SV2C: variants seen among roughly 807,000 people sequenced by gnomAD.
The protein encoded by SV2C is solute carrier family 22 member B3.
Under a neutral mutation model 79.7 loss-of-function variants are expected in SV2C, and 49 were observed. That is an observed-to-expected ratio of 0.61 (90% CI 0.49 to 0.78). The LOEUF (loss-of-function observed/expected upper bound fraction) is 0.78. SV2C is among the 30% of genes least tolerant of loss of function. SV2C has a pLI of 0.00. For synonymous variants in SV2C, 334 were observed against 333.2 expected (o/e 1.00, Z -0.03); for missense variants, 833 against 912.9 (o/e 0.91, Z 1.13).
the SV2C span, among the ~76,000 whole-genome samples, chr5:75,878,908 G>A: frequency 2.8e-3 from 420 of 152,294 alleles, 1 homozygote; most frequent in African/African-American, 9.7e-3. Context: ...CATGGCTCCA[G>A]CATCTGCTTC....
the SV2C span, among the ~76,000 whole-genome samples, chr5:76,076,171 G>A: frequency 1.3e-5 from 2 of 152,210 alleles, no homozygotes; most frequent in Admixed American, 6.5e-5. Flanking sequence ...TTAAATATAT[G>A]TGTGTAGTTT....
At chr5:75,921,372 G>A in the SV2C span, 13 of 916,264 alleles carry the variant, frequency 1.4e-5, no homozygotes, top group Non-Finnish European at 2.2e-5. Context: ...GGGGGGTGCT[G>A]GTAGGTGTCC....
chr5:76,147,238 A>T (rs1045021173), intron 2 of SV2C, among the ~76,000 whole-genome samples: 2 of 152,196 alleles, frequency 1.3e-5, no homozygotes, highest in Non-Finnish European at 2.9e-5. Flanking sequence ...AACACAATAC[A>T]AAAAGAAAAA....
At chr5:75,995,504 A>T in the SV2C span, among the ~76,000 whole-genome samples, 1 of 152,168 alleles carries the variant, frequency 6.6e-6, no homozygotes, top group East Asian at 1.9e-4. Flanking sequence ...GTATATTAAA[A>T]ATAAAACATC....
chr5:76,118,684 T>TA (rs1580279604), intron 1 of SV2C, among the ~76,000 whole-genome samples: 2 of 146,140 alleles, frequency 1.4e-5, no homozygotes, highest in Non-Finnish European at 2.9e-5. Context: ...TATTATATAT[T>TA]AAAAAAATCA....
intron 2 of SV2C, among the ~76,000 whole-genome samples, chr5:76,189,845 A>G (rs1252384305): frequency 6.6e-6 from 1 of 152,168 alleles, no homozygotes; most frequent in South Asian, 2.1e-4. Flanking sequence ...TCACATTGCA[A>G]TGATTTTCTT....
At chr5:76,020,020 G>T in the SV2C span, among the ~76,000 whole-genome samples, 1 of 152,124 alleles carries the variant, frequency 6.6e-6, no homozygotes. Flanking sequence ...GACGTAAAAC[G>T]ATCAGGAGCC....
chr5:76,073,428 A>G, the SV2C span, among the ~76,000 whole-genome samples: 2 of 149,200 alleles, frequency 1.3e-5, no homozygotes, highest in Admixed American at 6.7e-5. Flanking sequence ...ACAATTCGCA[A>G]TTGCAAAATA....
intron 12 of SV2C, among the ~76,000 whole-genome samples, chr5:76,313,152 G>A (rs576190986): frequency 6.6e-5 from 10 of 152,228 alleles, no homozygotes; most frequent in Non-Finnish European, 1.2e-4. Context: ...CTTCACTGTC[G>A]TCATCTGGTA....
At chr5:76,102,855 G>A (rs901127179) in intron 1 of SV2C, among the ~76,000 whole-genome samples, 2 of 152,130 alleles carry the variant, frequency 1.3e-5, no homozygotes, top group South Asian at 2.1e-4. Context: ...CTCTTTCATT[G>A]ATGTGCTTCT....
chr5:76,067,682 A>G, the SV2C span, among the ~76,000 whole-genome samples: 1 of 152,080 alleles, frequency 6.6e-6, no homozygotes, highest in Non-Finnish European at 1.5e-5. Context: ...ACTTTGGAAG[A>G]ATAGATATCT....
At chr5:76,242,114 A>G (rs1745803854) in intron 4 of SV2C, 6 of 1,436,580 alleles carry the variant, frequency 4.2e-6, no homozygotes, top group South Asian at 1.1e-5. Context: ...CCTTGCCAGC[A>G]TCAGCTTTTC....
At chr5:75,899,966 A>C in the SV2C span, among the ~76,000 whole-genome samples, 6 of 152,192 alleles carry the variant, frequency 3.9e-5, no homozygotes, top group South Asian at 2.1e-4. Flanking sequence ...GTGTCTCTGC[A>C]TGTGAGGCGG....
intron 3 of SV2C, among the ~76,000 whole-genome samples, chr5:76,206,617 C>T (rs1744616414): frequency 6.6e-6 from 1 of 152,158 alleles, no homozygotes; most frequent in South Asian, 2.1e-4. Context: ...CTTGGTATGC[C>T]AACTACAACA....
the SV2C span, among the ~76,000 whole-genome samples, chr5:76,015,847 A>T: frequency 3.9e-5 from 6 of 152,124 alleles, no homozygotes; most frequent in African/African-American, 1.4e-4. Flanking sequence ...AGAATATATC[A>T]TAAACAAACT....
At chr5:76,036,302 T>G in the SV2C span, among the ~76,000 whole-genome samples, 16 of 152,282 alleles carry the variant, frequency 1.1e-4, no homozygotes, top group South Asian at 1.5e-3. Flanking sequence ...GTTAGCTGGT[T>G]ATTTTGCTCG....
the SV2C span, among the ~76,000 whole-genome samples, chr5:75,962,347 A>G: frequency 1.3e-5 from 2 of 152,088 alleles, no homozygotes; most frequent in African/African-American, 4.8e-5. Flanking sequence ...GTATACTTAG[A>G]GCCTATCAGA....
chr5:75,932,355 C>T, the SV2C span, among the ~76,000 whole-genome samples: 1 of 152,172 alleles, frequency 6.6e-6, no homozygotes. Context: ...TCTTGCTCTG[C>T]CCCATCTTTC....
chr5:76,092,325 G>A (rs970144988), intron 1 of SV2C, among the ~76,000 whole-genome samples: 19 of 152,182 alleles, frequency 1.2e-4, no homozygotes, highest in Admixed American at 3.3e-4. Context: ...TGTTTTTCAA[G>A]CATGTGTAAG....
Sources: gnomAD v4.1 joint callset for allele counts (sites outside exome capture counted in the v4.1 genomes callset) on GRCh38, gnomAD v4.1.1 for gene constraint, MANE v1.5 for transcripts, NCBI Gene and HGNC (gene_info 2026-07-23, HGNC 2026-07-21) for gene names.